The following UBR3 variants were observed in gnomAD, a reference collection of about 807,000 sequenced individuals.
UBR3 encodes the protein ubiquitin protein ligase E3 component n-recognin 3, also known as E3 ubiquitin-protein ligase UBR3.
In UBR3, 85 loss-of-function variants were observed where a neutral mutation model predicts 243.2. The ratio of observed to expected loss-of-function variants is 0.35; its 90% CI spans 0.29 to 0.42. The LOEUF (loss-of-function observed/expected upper bound fraction) is 0.42, where lower values mean the gene tolerates loss of function less well. Among genes scored for constraint, UBR3 ranks in the 10% least tolerant of loss-of-function variants. UBR3 has a pLI of 1.00. For missense variants in UBR3, 1,686 were observed against 2,300.8 expected, an observed-to-expected ratio of 0.73 and a Z score of 5.47; for synonymous variants, 748 against 799.8, an observed-to-expected ratio of 0.94 and a Z score of 1.09.
chr2:169,845,667 C>T (rs990350280), intron 1 of UBR3, among the ~76,000 whole-genome samples: 1 of 151,190 alleles, frequency 6.6e-6, no homozygotes, highest in Admixed American at 6.6e-5. Context: ...CTCACTGCAG[C>T]CTCCATCTCC....
At chr2:169,864,867 A>G (rs1306040405) in intron 1 of UBR3, among the ~76,000 whole-genome samples, 8 of 148,520 alleles carry the variant, frequency 5.4e-5, no homozygotes, top group Non-Finnish European at 8.9e-5. Context: ...AGATCGCGCC[A>G]CTGCACTCCA....
At position 169,886,123 on chromosome 2, in the gene UBR3, C is replaced by T. The variant is rs144793652; in HGVS notation, c.1039-5042C>T. Among the ~76,000 whole-genome samples, 1,196 of 151,438 alleles carry T rather than the reference C, an allele frequency of 7.9e-3. 18 individuals carry two copies. The highest frequency in any genetic ancestry group is 0.027 in the African/African-American group (1,133 of 41,226). On this transcript the variant is annotated intron_variant, in intron 5 of 38. Coordinates refer to ENST00000272793, the MANE Select transcript of UBR3 (RefSeq NM_172070.4). ...AGTGAGCCGAGATCGCGCCACTGCA[C>T]CCCAGCCTGCGCGACAGAGTGAGAC... is the stretch of plus-strand genomic sequence containing the variant.
chr2:169,827,588 C>T lies in UBR3; in HGVS notation c.81C>T (p.Asp27=). 8.0e-7 allele frequency: 1 copy of T among 1,252,574 alleles called. No homozygotes were observed. Among genetic ancestry groups the T allele is most frequent in the Non-Finnish European group, 1.0e-6 (1 of 1,001,456 alleles). The allele number at this position is 1,252,574 out of a possible 1,614,324, so 77.6% of individuals were successfully genotyped here. ...PELPAPGLAL[D]KAATAAHLKA... is the part of the protein sequence containing the mutation. ...TGCCCGCGCCGGGGCTGGCCCTAGA[C>T]AAGGCGGCCACCGCCGCGCACCTCA... The change falls in exon 1 of 39, where the codon GAC becomes GAT. Residue 27 remains aspartate, a synonymous_variant. Coordinates refer to ENST00000272793, the MANE Select transcript of UBR3 (RefSeq NM_172070.4).
chr2:170,015,857 G>A (rs920861292), intron 30 of UBR3, among the ~76,000 whole-genome samples: 2 of 151,712 alleles, frequency 1.3e-5, no homozygotes, highest in Admixed American at 6.6e-5. Flanking sequence ...CTTCAATCTT[G>A]TGTGTAAGGA....
intron 12 of UBR3, 28 bp downstream of exon 12, chr2:169,924,022 C>G: frequency 7.4e-7 from 1 of 1,354,384 alleles, no homozygotes; most frequent in Non-Finnish European, 9.9e-7. Context: ...CAATTCTGTT[C>G]TTTTTTTTTT....
At position 170,040,980 on chromosome 2, in the gene UBR3, G is replaced by A. The variant is rs747734159; in HGVS notation, c.4655G>A (p.Arg1552His). 1.4e-5 allele frequency: 23 copies of A among 1,608,976 alleles called. No individual in the cohort carries two copies. Among genetic ancestry groups the A allele is most frequent in the South Asian group, 2.2e-5 (2 of 90,930 alleles). ...IQILMMPQPLRKDHFTCIVKV... is the reference protein window; with the variant it reads ...IQILMMPQPLHKDHFTCIVKV... ...ATCTTAATGATGCCACAACCCTTAC[G>A]CAAAGGTATGTCTTTATAATTCAGA... The change falls in exon 32 of 39, where the codon CGC (arginine) becomes CAC (histidine). Residue 1552 changes from arginine to histidine, a missense_variant. Coordinates refer to ENST00000272793, the MANE Select transcript of UBR3 (RefSeq NM_172070.4).
intron 38 of UBR3, among the ~76,000 whole-genome samples, 200 bp from the exon 39 acceptor site, chr2:170,081,526 A>T (rs1308280881): frequency 2.6e-5 from 4 of 151,752 alleles, no homozygotes; most frequent in Admixed American, 2.0e-4. Flanking sequence ...AATAAAAAAT[A>T]AAAAAATAAA....
At chr2:169,849,430 A>G (rs557841219) in intron 1 of UBR3, among the ~76,000 whole-genome samples, 1 of 152,234 alleles carries the variant, frequency 6.6e-6, no homozygotes, top group South Asian at 2.1e-4. Flanking sequence ...CAAATTTAAT[A>G]TTTAACTTTT....
chr2:170,064,801 C>CTTTTT (rs2091521136), intron 35 of UBR3, among the ~76,000 whole-genome samples: 1 of 55,218 alleles, frequency 1.8e-5, no homozygotes, highest in Non-Finnish European at 3.9e-5. Flanking sequence ...TTTGCTTTTT[C>CTTTTT]TATTTTTTTT....
intron 30 of UBR3, among the ~76,000 whole-genome samples, chr2:170,026,950 T>G (rs2090544642): frequency 1.3e-5 from 2 of 152,094 alleles, no homozygotes; most frequent in South Asian, 4.1e-4. Flanking sequence ...AGACTAAACT[T>G]TCAAAACAAT....
At chr2:169,829,829 ACACACACACACACAC>A (rs2081874505) in intron 1 of UBR3, among the ~76,000 whole-genome samples, 2 of 53,840 alleles carry the variant, frequency 3.7e-5, no homozygotes, top group Admixed American at 2.3e-4. Context: ...ACACACACAC[ACACACACACACACAC>A]ACACACACAC....
In UBR3 at chr2:170,083,173, A is replaced by G. The variant is rs1209983978; in HGVS notation, c.*1330A>G. 1.9e-5 allele frequency: 1 copy of G among 53,642 alleles called. No homozygotes were observed. Among genetic ancestry groups the G allele is most frequent in the Non-Finnish European group, 5.9e-5 (1 of 16,950 alleles). The allele number at this position is 53,642 out of a possible 1,614,324, so 3.3% of individuals were successfully genotyped here. ...TGTAAAAATAAACTAAACAAATCTA[A>G]TGATAAAATATGTCAGATCCATGTT... On this transcript the variant is annotated 3_prime_UTR_variant, in exon 39 of 39. Coordinates refer to ENST00000272793, the MANE Select transcript of UBR3 (RefSeq NM_172070.4).
At chr2:169,903,663 T>A (rs1220660620) in intron 8 of UBR3, among the ~76,000 whole-genome samples, 2 of 152,160 alleles carry the variant, frequency 1.3e-5, no homozygotes, top group East Asian at 3.8e-4. Context: ...GTAGAGGCCC[T>A]CCTGACTGAT....
rs1421436504 is a variant in UBR3 at position 169,926,926 on chromosome 2, G to A, written c.2293G>A (p.Ala765Thr). 2 of 1,551,018 alleles carry A rather than the reference G, an allele frequency of 1.3e-6. No individual in the cohort carries two copies. The highest frequency in any genetic ancestry group is 2.0e-5 in the Admixed American group (1 of 51,004). The change falls in exon 16 of 39, where the codon GCT becomes ACT. Residue 765 changes from alanine to threonine, a missense_variant. By Grantham distance (58) the Ala-to-Thr change is moderately conservative. Transcript: ENST00000272793. ...AEHERSMLEG[A>T]LTFLVILLSL... ...GCATGAGAGGTCGATGTTAGAAGGC[G>A]CTCTTACATTTCTTGTGATTCTTTT... is the stretch of plus-strand genomic sequence containing the variant.
At chr2:169,959,876 T>A (rs1229294311) in intron 24 of UBR3, among the ~76,000 whole-genome samples, 3 of 152,204 alleles carry the variant, frequency 2.0e-5, no homozygotes, top group Admixed American at 2.0e-4. Context: ...TGTGGCATGA[T>A]GCCACAAGTG....
intron 35 of UBR3, among the ~76,000 whole-genome samples, chr2:170,066,964 T>C (rs1434720768): frequency 9.2e-5 from 2 of 21,840 alleles, no homozygotes; most frequent in Admixed American, 3.6e-4. Flanking sequence ...ACTCCGTCTC[T>C]AAAATAATAA....
intron 1 of UBR3, among the ~76,000 whole-genome samples, chr2:169,852,942 T>G (rs760280466): frequency 8.6e-5 from 13 of 151,834 alleles, no homozygotes; most frequent in Non-Finnish European, 1.8e-4. Flanking sequence ...TAAATTTATG[T>G]TTTTTTCTCA....
Position 169,914,129 on chromosome 2 carries a change from A to G in UBR3, c.1849A>G (p.Ile617Val), listed in dbSNP as rs1044585692. 9.2e-5 allele frequency: 138 copies of G among 1,506,926 alleles called. No individual in the cohort carries two copies. Among genetic ancestry groups the G allele is most frequent in the Non-Finnish European group, 1.2e-4 (134 of 1,126,046 alleles). 93.3% of individuals were successfully genotyped at this position (1,506,926 alleles called of 1,614,324 possible). ...LEALQDWFDAINFVDEPAPNQ... is the reference protein window; with the variant it reads ...LEALQDWFDAVNFVDEPAPNQ... ...AGCTCTTCAAGACTGGTTTGATGCT[A>G]TTAACTTCGTAGACGAGGTATGTAT... Residue 617 changes from isoleucine to valine, a missense_variant, in exon 11 of 39, where the codon ATT becomes GTT. Ile to Val is a conservative substitution (Grantham distance 29). Transcript: ENST00000272793.
chr2:170,018,916 C>G (rs1480569512), intron 30 of UBR3, among the ~76,000 whole-genome samples: 4 of 152,140 alleles, frequency 2.6e-5, no homozygotes, highest in Non-Finnish European at 4.4e-5. Flanking sequence ...ATTCTTTCAG[C>G]ACATTTTTGG....
Sources: allele counts gnomAD v4.1 joint callset (sites outside exome capture counted in the v4.1 genomes callset), GRCh38; gene constraint gnomAD v4.1.1; transcripts MANE v1.5; gene names NCBI Gene and HGNC (gene_info 2026-07-23, HGNC 2026-07-21).